Variants in ANKS1A observed in about 807,000 individuals in gnomAD.
ANKS1A encodes the protein ankyrin repeat and SAM domain-containing protein 1A.
A neutral mutation model predicts 120.3 loss-of-function variants in ANKS1A; 55 were observed. That is an observed-to-expected ratio of 0.46 (90% confidence interval 0.37 to 0.57). The LOEUF (loss-of-function observed/expected upper bound fraction) is 0.57. Ranked by LOEUF, ANKS1A falls within the 20% of genes least tolerant of loss-of-function variation. The pLI, the probability that ANKS1A is intolerant of heterozygous loss-of-function variation, is 0.00. For synonymous variants in ANKS1A, 590 were observed against 604.7 expected, an observed-to-expected ratio of 0.98 and a Z score of 0.36; for missense variants, 1,123 against 1,480.3, an observed-to-expected ratio of 0.76 and a Z score of 3.96.
chr6:35,026,130 T>C (rs976994418), intron 11 of ANKS1A, among the ~76,000 whole-genome samples: 3 of 152,186 alleles, frequency 2.0e-5, no homozygotes, highest in African/African-American at 7.2e-5. Flanking sequence ...AAGGAAACAT[T>C]TTCTGGGATA....
At chr6:34,974,382 T>C (rs1274363370) in intron 3 of ANKS1A, among the ~76,000 whole-genome samples, 2 of 71,386 alleles carry the variant, frequency 2.8e-5, no homozygotes, top group African/African-American at 5.6e-5. Context: ...CCCTTCCATT[T>C]CCCTTCCCCT....
In ANKS1A at chr6:34,991,541, TACACACAC is replaced by T. The variant is rs149416311; in HGVS notation, c.1302+2257_1302+2264del. ...ACATAGCCGGGAAAAAAAAAATATA[TACACACAC>T]ACACACACACACACACACACACACA... is the stretch of plus-strand genomic sequence containing the variant. On this transcript the variant is annotated intron_variant, in intron 9 of 23. Coordinates refer to ENST00000360359, the MANE Select transcript of ANKS1A (RefSeq NM_015245.3). Among the ~76,000 whole-genome samples the T allele has an allele frequency of 4.7e-3, 654 of 138,490 alleles. 16 individuals carry two copies. Among genetic ancestry groups the T allele is most frequent in the African/African-American group, 0.015 (538 of 35,570 alleles). 90.9% of individuals were successfully genotyped at this position (138,490 alleles called of 152,430 possible).
At chr6:34,929,020 C>G (rs1395214267) in intron 1 of ANKS1A, among the ~76,000 whole-genome samples, 2 of 152,120 alleles carry the variant, frequency 1.3e-5, no homozygotes, top group Non-Finnish European at 2.9e-5. Flanking sequence ...TCTCAGAAAT[C>G]TGTTTACTAA....
intron 11 of ANKS1A, among the ~76,000 whole-genome samples, chr6:35,048,851 C>T (rs151108901): frequency 1.8e-4 from 27 of 152,304 alleles, no homozygotes; most frequent in African/African-American, 5.5e-4. Flanking sequence ...GAGGAGGCTG[C>T]GGCTCAGTCG....
chr6:35,089,702 C>T lies in ANKS1A; in HGVS notation c.*1093C>T, dbSNP rs17610836. On this transcript the variant is annotated 3_prime_UTR_variant, in exon 24 of 24. Transcript: ENST00000360359. Reference sequence around the variant, plus strand: ...TTTGGGGCAGGCTGGCATCCCGGTGCGCCTCTGCTTCTTAAGCTTTCCTGC... The same window carrying T: ...TTTGGGGCAGGCTGGCATCCCGGTGTGCCTCTGCTTCTTAAGCTTTCCTGC... The T allele has an allele frequency of 0.16, 155,143 of 991,936 alleles. 12,598 individuals are homozygous for T. Among genetic ancestry groups the T allele is most frequent in the African/African-American group, 0.19 (11,003 of 57,398 alleles). 61.4% of individuals were successfully genotyped at this position (991,936 alleles called of 1,614,324 possible).
intron 10 of ANKS1A, among the ~76,000 whole-genome samples, chr6:35,016,864 A>G (rs1364744499): frequency 6.6e-6 from 1 of 150,756 alleles, no homozygotes; most frequent in Non-Finnish European, 1.5e-5. Flanking sequence ...CCGAGGAAGG[A>G]AGCAGTTATT....
At chr6:34,950,302 C>T (rs1581737278) in intron 1 of ANKS1A, among the ~76,000 whole-genome samples, 1 of 136,652 alleles carries the variant, frequency 7.3e-6, no homozygotes, top group African/African-American at 2.8e-5. Context: ...TCTTGGCTTA[C>T]TGGAACCTCC....
Position 35,048,999 on chromosome 6 carries a change from G to A in ANKS1A, c.2011-5100G>A, listed in dbSNP as rs551677945. Among the ~76,000 whole-genome samples the A allele has an allele frequency of 7.2e-5, 11 of 152,342 alleles. No individual in the cohort carries two copies. The East Asian group carries it at 2.1e-3, about 29-fold the overall frequency. ...TGGCACCAGCGAAAGTGAGAGCACTGCCCTCTGTGGGCAGTTTGGGAGTGC... is the reference window on the plus strand; with the variant it reads ...TGGCACCAGCGAAAGTGAGAGCACTACCCTCTGTGGGCAGTTTGGGAGTGC... On this transcript the variant is annotated intron_variant, in intron 11 of 23. Transcript: ENST00000360359.
chr6:35,029,549 A>G (rs773472538), intron 11 of ANKS1A, among the ~76,000 whole-genome samples: 61 of 151,510 alleles, frequency 4.0e-4, no homozygotes, highest in South Asian at 2.1e-3. Context: ...AGGTTTCACC[A>G]TATTAGGCCA....
At chr6:35,077,145 A>C (rs923526967) in intron 13 of ANKS1A, among the ~76,000 whole-genome samples, 3 of 152,174 alleles carry the variant, frequency 2.0e-5, no homozygotes, top group Non-Finnish European at 4.4e-5. Flanking sequence ...CACTGGCGTC[A>C]CTAAGAAGAG....
chr6:35,029,628 G>T (rs1774800971), intron 11 of ANKS1A, among the ~76,000 whole-genome samples: 1 of 151,414 alleles, frequency 6.6e-6, no homozygotes, highest in Non-Finnish European at 1.5e-5. Context: ...GGGATTACAG[G>T]CGTGAGCCAC....
intron 1 of ANKS1A, among the ~76,000 whole-genome samples, chr6:34,922,629 G>T (rs991725579): frequency 5.3e-5 from 8 of 151,938 alleles, no homozygotes; most frequent in Non-Finnish European, 1.0e-4. Context: ...CTGTGAGGTT[G>T]ACTGTGTCCC....
At chr6:34,953,741 C>A (rs1770202280) in intron 1 of ANKS1A, among the ~76,000 whole-genome samples, 1 of 152,176 alleles carries the variant, frequency 6.6e-6, no homozygotes, top group Non-Finnish European at 1.5e-5. Flanking sequence ...CAGGTACTTA[C>A]TGTGTGCTTG....
At chr6:35,038,004 G>A (rs890555232) in intron 11 of ANKS1A, among the ~76,000 whole-genome samples, 2 of 152,052 alleles carry the variant, frequency 1.3e-5, no homozygotes, top group Non-Finnish European at 2.9e-5. Flanking sequence ...AAATCCTGGG[G>A]CACATAGATG....
At chr6:35,051,399 G>T (rs1052457704) in intron 11 of ANKS1A, among the ~76,000 whole-genome samples, 4 of 152,164 alleles carry the variant, frequency 2.6e-5, no homozygotes, top group Non-Finnish European at 5.9e-5. Flanking sequence ...CAGGCCAGCT[G>T]GGGCTTCGGA....
chr6:35,019,165 A>G (rs1774200170), intron 11 of ANKS1A, among the ~76,000 whole-genome samples: 1 of 152,178 alleles, frequency 6.6e-6, no homozygotes, highest in Non-Finnish European at 1.5e-5. Context: ...TTTCTCAAAG[A>G]TAGGTAAACA....
intron 1 of ANKS1A, among the ~76,000 whole-genome samples, chr6:34,900,116 G>A (rs368057717): frequency 2.0e-5 from 3 of 152,290 alleles, no homozygotes; most frequent in Middle Eastern, 3.4e-3. Flanking sequence ...TGCCTGCAAG[G>A]TAATTATTGT....
At chr6:34,970,256 C>CA in intron 3 of ANKS1A, 90 bp downstream of exon 3, 1 of 1,388,296 alleles carries the variant, frequency 7.2e-7, no homozygotes, top group Non-Finnish European at 9.6e-7. Context: ...GTTCAAATCT[C>CA]AGAGAACCAG....
chr6:34,947,787 G>A (rs1045983133), intron 1 of ANKS1A, among the ~76,000 whole-genome samples: 3 of 152,164 alleles, frequency 2.0e-5, no homozygotes, highest in Admixed American at 2.0e-4. Flanking sequence ...TTAGCCAGGT[G>A]TTTTTCTAGG....
Sources: allele counts gnomAD v4.1 joint callset (sites outside exome capture counted in the v4.1 genomes callset), GRCh38; gene constraint gnomAD v4.1.1; transcripts MANE v1.5; gene names NCBI Gene and HGNC (gene_info 2026-07-23, HGNC 2026-07-21).